The following GRID2 variants were observed in gnomAD, a reference collection of about 807,000 sequenced individuals.
GRID2 encodes glutamate ionotropic receptor delta type subunit 2.
GRID2 carries 33 observed loss-of-function variants against 114.8 expected under a neutral mutation model. The ratio of observed to expected loss-of-function variants is 0.29; its 90% CI spans 0.22 to 0.38. The LOEUF is 0.38. Among genes scored for constraint, GRID2 ranks in the 10% least tolerant of loss-of-function variants. The pLI, the probability that GRID2 is intolerant of heterozygous loss-of-function variation, is 1.00. For missense variants in GRID2, 1,184 were observed against 1,257.7 expected, an observed-to-expected ratio of 0.94 and a Z score of 0.89; for synonymous variants, 505 against 449.9, an observed-to-expected ratio of 1.12 and a Z score of -1.55.
chr4:93,071,974 G>A lies in GRID2; in HGVS notation c.245-13021G>A, dbSNP rs910917524. Among the ~76,000 whole-genome samples the A allele has an allele frequency of 5.3e-5, 8 of 152,170 alleles. No individual in the cohort carries two copies. In the East Asian group the frequency reaches 1.5e-3, roughly 29 times the overall value. On this transcript the variant is annotated intron_variant, in intron 2 of 15. Coordinates refer to ENST00000282020, the MANE Select transcript of GRID2 (RefSeq NM_001510.4). ...TTAAAAACAGTGACTGAGTTTATAAGCACTGGAAAACACAATGTCAAAAAA... is the reference window on the plus strand; with the variant it reads ...TTAAAAACAGTGACTGAGTTTATAAACACTGGAAAACACAATGTCAAAAAA...
intron 3 of GRID2, among the ~76,000 whole-genome samples, chr4:93,095,755 G>A (rs1018707855): frequency 3.3e-5 from 5 of 151,774 alleles, no homozygotes; most frequent in Admixed American, 1.3e-4. Context: ...ATTTAAAGAA[G>A]AACTAAATAA....
At chr4:93,776,818 C>T (rs1272671732), downstream of GRID2, among the ~76,000 whole-genome samples, 5 of 152,170 alleles carry the variant, frequency 3.3e-5, no homozygotes, top group African/African-American at 1.2e-4. Flanking sequence ...ACCCTTCATC[C>T]TTATTGATAC....
intron 10 of GRID2, among the ~76,000 whole-genome samples, chr4:93,426,540 G>A (rs2149373897): frequency 6.6e-6 from 1 of 152,170 alleles, no homozygotes; most frequent in Admixed American, 6.5e-5. Context: ...TTTTTAATTT[G>A]TTTTATGTGC....
chr4:92,897,999 C>T (rs1747291743), intron 2 of GRID2, among the ~76,000 whole-genome samples: 1 of 152,074 alleles, frequency 6.6e-6, no homozygotes, highest in Admixed American at 6.6e-5. Context: ...ATCTTCTTTA[C>T]ATTTTAATTT....
chr4:92,800,218 C>T (rs891432828), intron 2 of GRID2, among the ~76,000 whole-genome samples: 11 of 151,846 alleles, frequency 7.2e-5, no homozygotes, highest in Non-Finnish European at 1.3e-4. Flanking sequence ...GGACTTCACC[C>T]TTCTGAAGTT....
chr4:93,409,266 A>G (rs1766856035), intron 9 of GRID2, among the ~76,000 whole-genome samples: 1 of 152,158 alleles, frequency 6.6e-6, no homozygotes, highest in African/African-American at 2.4e-5. Flanking sequence ...ACCCAGAGGT[A>G]AAGATTGGTA....
intron 2 of GRID2, among the ~76,000 whole-genome samples, chr4:92,916,692 G>A (rs1022561879): frequency 1.8e-4 from 27 of 152,080 alleles, no homozygotes; most frequent in Non-Finnish European, 2.9e-4. Flanking sequence ...ATATGAACTC[G>A]TCATTTTTTA....
intron 2 of GRID2, among the ~76,000 whole-genome samples, chr4:93,012,984 T>C (rs997758079): frequency 6.6e-6 from 1 of 152,052 alleles, no homozygotes; most frequent in African/African-American, 2.4e-5. Flanking sequence ...TAATATTTAA[T>C]ATACTGATGG....
chr4:93,712,892 C>G (rs1578636893), intron 14 of GRID2, among the ~76,000 whole-genome samples: 1 of 152,188 alleles, frequency 6.6e-6, no homozygotes, highest in African/African-American at 2.4e-5. Context: ...CTTCTTCCAT[C>G]CAATTTGTAA....
chr4:92,959,248 C>A (rs1578604144), intron 2 of GRID2, among the ~76,000 whole-genome samples: 1 of 151,102 alleles, frequency 6.6e-6, no homozygotes, highest in Middle Eastern at 3.5e-3. Flanking sequence ...TATTTAATTT[C>A]CTCTCCTTTT....
At chr4:92,972,857 A>G (rs781606651) in intron 2 of GRID2, among the ~76,000 whole-genome samples, 2 of 151,968 alleles carry the variant, frequency 1.3e-5, no homozygotes, top group African/African-American at 2.4e-5. Flanking sequence ...AACATGCAAT[A>G]TTTGGTTTTG....
intron 12 of GRID2, among the ~76,000 whole-genome samples, chr4:93,499,018 T>C (rs72668796): frequency 0.2 from 30,349 of 151,892 alleles, 3,656 homozygotes; most frequent in Middle Eastern, 0.37. Flanking sequence ...ATGATTTCAT[T>C]TTTTATTGAT....
chr4:92,973,102 A>G (rs1753635247), intron 2 of GRID2, among the ~76,000 whole-genome samples: 4 of 152,266 alleles, frequency 2.6e-5, no homozygotes, highest in East Asian at 3.9e-4. Flanking sequence ...AGAATGATTT[A>G]TATTCCTTTG....
At chr4:93,246,953 C>A (rs1748284052) in intron 8 of GRID2, among the ~76,000 whole-genome samples, 1 of 152,116 alleles carries the variant, frequency 6.6e-6, no homozygotes, top group Non-Finnish European at 1.5e-5. Context: ...GAGAAAATAA[C>A]CCGTATCTGC....
intron 2 of GRID2, among the ~76,000 whole-genome samples, chr4:92,687,819 A>G (rs1298335138): frequency 6.6e-6 from 1 of 151,636 alleles, no homozygotes; most frequent in Non-Finnish European, 1.5e-5. Context: ...ACAAAGCAAG[A>G]CTCCCTCTCA....
At chr4:92,938,094 GAGA>G (rs921902347) in intron 2 of GRID2, among the ~76,000 whole-genome samples, 3 of 146,620 alleles carry the variant, frequency 2.0e-5, no homozygotes, top group Admixed American at 1.5e-4. Context: ...TGCATGAACT[GAGA>G]AGAATTTCTG....
Position 92,837,516 on chromosome 4 carries a change from A to G in GRID2, c.244+247230A>G, listed in dbSNP as rs1742543739. On this transcript the variant is annotated intron_variant, in intron 2 of 15. Transcript: ENST00000282020. Reference sequence around the variant, plus strand: ...AAGGCCATGTACATTTTTACTCATCAAATGTAACCTTGAAAAAATATTCAG... The same window carrying G: ...AAGGCCATGTACATTTTTACTCATCGAATGTAACCTTGAAAAAATATTCAG... 1.3e-5 allele frequency among the ~76,000 whole-genome samples: 2 copies of G among 151,888 alleles called. 1 individual carries two copies. Among genetic ancestry groups the G allele is most frequent in the South Asian group, 4.1e-4 (2 of 4,834 alleles).
chr4:92,892,499 A>G (rs1000833257), intron 2 of GRID2, among the ~76,000 whole-genome samples: 1 of 152,252 alleles, frequency 6.6e-6, no homozygotes, highest in African/African-American at 2.4e-5. Context: ...TTGTTGTGGA[A>G]ATATATTATG....
At chr4:92,814,212 T>G (rs1740777603) in intron 2 of GRID2, among the ~76,000 whole-genome samples, 1 of 152,146 alleles carries the variant, frequency 6.6e-6, no homozygotes, top group Non-Finnish European at 1.5e-5. Flanking sequence ...TTACTTTTGA[T>G]GTATGTGGTA....
Sources: gnomAD v4.1 joint callset for allele counts (sites outside exome capture counted in the v4.1 genomes callset) on GRCh38, gnomAD v4.1.1 for gene constraint, MANE v1.5 for transcripts, NCBI Gene and HGNC (gene_info 2026-07-23, HGNC 2026-07-21) for gene names.